The following FBXW8 variants were observed in gnomAD, a reference collection of about 807,000 sequenced individuals.
FBXW8 encodes the protein F-box and WD repeat domain containing 8.
In FBXW8, 57 loss-of-function variants were observed where a neutral mutation model predicts 65.3. The ratio of observed to expected loss-of-function variants is 0.87; its 90% CI spans 0.71 to 1.09. The LOEUF is 1.09. Among genes scored for constraint, FBXW8 ranks in the 50% least tolerant of loss-of-function variants. The pLI is 0.00. For synonymous variants in FBXW8, 308 were observed against 330.2 expected (o/e 0.93, Z 0.73); for missense variants, 777 against 814.8 (o/e 0.95, Z 0.57).
intron 7 of FBXW8, among the ~76,000 whole-genome samples, chr12:116,990,433 A>G (rs1953211396): frequency 6.6e-6 from 1 of 152,134 alleles, no homozygotes; most frequent in South Asian, 2.1e-4. Flanking sequence ...CTCATGCTCT[A>G]AAAAAACTTT....
rs138865565 is a variant in FBXW8, at chr12:116,961,437, G to A, written c.678-3260G>A. Among the ~76,000 whole-genome samples the A allele has an allele frequency of 5.4e-3, 823 of 152,282 alleles. 7 individuals are homozygous for A. Among genetic ancestry groups the A allele is most frequent in the South Asian group, 0.024 (118 of 4,820 alleles). ...CAGAGTTCAGAGGCAAGAGCATTTG[G>A]GATCCTCTCTGGAAGCCGGCCCGTG... On this transcript the variant is annotated intron_variant, in intron 4 of 10. Transcript: ENST00000652555. The surrounding 1 kb of genome is among the most constrained non-coding windows in gnomAD (Gnocchi z 4.4).
chr12:117,014,948 T>A (rs1451651241), intron 8 of FBXW8, among the ~76,000 whole-genome samples: 1 of 152,134 alleles, frequency 6.6e-6, no homozygotes, highest in Non-Finnish European at 1.5e-5. Flanking sequence ...GTCAGAAAGA[T>A]GGGGTTTCTA....
At chr12:117,015,494 G>C (rs78791664) in intron 8 of FBXW8, among the ~76,000 whole-genome samples, 4,091 of 152,186 alleles carry the variant, frequency 0.027, 181 homozygotes, top group African/African-American at 0.087. Flanking sequence ...TAGCTCTCAG[G>C]CTTCTCATCT....
At chr12:116,999,023 TAG>T (rs888051870) in intron 7 of FBXW8, among the ~76,000 whole-genome samples, 3 of 152,224 alleles carry the variant, frequency 2.0e-5, no homozygotes, top group African/African-American at 7.2e-5. Context: ...GGCACTGTGT[TAG>T]AGAGTGGGTT....
chr12:117,003,036 A>G (rs1454833232), intron 7 of FBXW8: 1 of 152,096 alleles, frequency 6.6e-6, no homozygotes, highest in Non-Finnish European at 1.5e-5. Flanking sequence ...TTTCTTTTGT[A>G]TCTTTTGTTT....
chr12:116,954,568 T>A (rs1346985033), intron 4 of FBXW8, among the ~76,000 whole-genome samples: 1 of 152,234 alleles, frequency 6.6e-6, no homozygotes, highest in Non-Finnish European at 1.5e-5. Context: ...ATTAGACACA[T>A]GCTACTGTAG....
intron 2 of FBXW8, among the ~76,000 whole-genome samples, chr12:116,935,461 G>A (rs1434989629): frequency 6.6e-6 from 1 of 152,160 alleles, no homozygotes; most frequent in Non-Finnish European, 1.5e-5. Flanking sequence ...TTGCTGGCAG[G>A]GTTCCCTTAG....
At chr12:117,000,818 G>A (rs1036828673) in intron 7 of FBXW8, among the ~76,000 whole-genome samples, 2 of 152,236 alleles carry the variant, frequency 1.3e-5, no homozygotes, top group Non-Finnish European at 2.9e-5. Flanking sequence ...TGTTTTGCAT[G>A]TAAGAGAATA....
intron 4 of FBXW8, among the ~76,000 whole-genome samples, chr12:116,956,281 C>G (rs11068262): frequency 0.029 from 4,463 of 152,152 alleles, 199 homozygotes; most frequent in East Asian, 0.21. Flanking sequence ...GGAAGGAGAA[C>G]TGTATCATTT....
intron 7 of FBXW8, among the ~76,000 whole-genome samples, chr12:116,997,886 G>C (rs1445880892): frequency 2.0e-5 from 3 of 152,182 alleles, no homozygotes; most frequent in African/African-American, 7.2e-5. Flanking sequence ...CGCCATCTCA[G>C]CTCACTACAA....
At chr12:116,935,178 G>T (rs1438671813) in intron 2 of FBXW8, among the ~76,000 whole-genome samples, 1 of 152,164 alleles carries the variant, frequency 6.6e-6, no homozygotes, top group Non-Finnish European at 1.5e-5. Context: ...AGATGCAGAG[G>T]TTAAAAACTT....
intron 8 of FBXW8, among the ~76,000 whole-genome samples, chr12:117,020,724 G>A (rs754977736): frequency 3.3e-5 from 5 of 152,134 alleles, no homozygotes; most frequent in South Asian, 2.1e-4. Context: ...ATGAAACCAC[G>A]GAGCTGAGCC....
chr12:116,919,152 C>T (rs745627695), intron 1 of FBXW8, among the ~76,000 whole-genome samples: 7 of 152,088 alleles, frequency 4.6e-5, no homozygotes, highest in Non-Finnish European at 7.3e-5. Flanking sequence ...TAAGGGGGGA[C>T]GACTGTGTTT....
chr12:116,969,632 A>C (rs370158191), intron 5 of FBXW8, among the ~76,000 whole-genome samples: 1 of 152,054 alleles, frequency 6.6e-6, no homozygotes, highest in Non-Finnish European at 1.5e-5. Flanking sequence ...CAATAAAATG[A>C]GTTAATGAAC....
At chr12:116,996,121 A>G (rs1953367739) in intron 7 of FBXW8, among the ~76,000 whole-genome samples, 1 of 152,146 alleles carries the variant, frequency 6.6e-6, no homozygotes, top group African/African-American at 2.4e-5. Flanking sequence ...ATGTATTTGG[A>G]CATATTTCCT....
At chr12:117,022,706 AGTTT>A (rs1171741514) in intron 8 of FBXW8, among the ~76,000 whole-genome samples, 1 of 152,046 alleles carries the variant, frequency 6.6e-6, no homozygotes, top group Admixed American at 6.6e-5. Flanking sequence ...TGATCCATGG[AGTTT>A]GTTTTTCCAG....
chr12:116,985,328 T>C lies in FBXW8; in HGVS notation c.958T>C (p.Phe320Leu). The C allele has an allele frequency of 1.2e-6, 2 of 1,614,182 alleles. No individual in the cohort carries two copies. Among genetic ancestry groups the C allele is most frequent in the Non-Finnish European group, 1.7e-6 (2 of 1,180,040 alleles). ...DDATVATASA[F>L]DVVMLSPNEE... ...TGCAACCGTGGCCACAGCTTCTGCT[T>C]TTGATGTCGTGATGTTATCCCCCAA... The change falls in exon 6 of 11, where the codon TTT (phenylalanine) becomes CTT (leucine). Residue 320 changes from phenylalanine to leucine, a missense_variant. By Grantham distance (22) the Phe-to-Leu change is conservative. Transcript: ENST00000652555.
intron 7 of FBXW8, among the ~76,000 whole-genome samples, chr12:116,993,278 ATTT>A (rs1953298069): frequency 6.6e-6 from 1 of 151,188 alleles, no homozygotes; most frequent in Non-Finnish European, 1.5e-5. Context: ...TAATTTTTGT[ATTT>A]TTAGTAGAGA....
rs986500703 is a variant in FBXW8 at position 117,028,545 on chromosome 12, G to A, written c.*373G>A. ...TCCAGCCCTGCAGGCCGTCTTTTCC[G>A]TCTCCAGCCCCTTACCTCTTTTCCT... is the stretch of plus-strand genomic sequence containing the variant. On this transcript the variant is annotated 3_prime_UTR_variant, in exon 11 of 11. Coordinates refer to ENST00000652555, the MANE Select transcript of FBXW8 (RefSeq NM_153348.3). The surrounding 1 kb of genome is among the most constrained non-coding windows in gnomAD (Gnocchi z 4.1). 9.9e-6 allele frequency: 2 copies of A among 202,418 alleles called. No homozygotes were observed. The highest frequency in any genetic ancestry group is 2.2e-4 in the East Asian group (2 of 9,000). The allele number at this position is 202,418 out of a possible 1,614,324, so 12.5% of individuals were successfully genotyped here. A position where few individuals can be genotyped will look rare whatever the true frequency, so the allele number is the denominator to read the frequency against.
Sources: gnomAD v4.1 joint callset for allele counts (sites outside exome capture counted in the v4.1 genomes callset) on GRCh38, gnomAD v4.1.1 for gene constraint, Gnocchi (gnomAD v3.1) non-coding constraint, MANE v1.5 for transcripts, NCBI Gene and HGNC (gene_info 2026-07-23, HGNC 2026-07-21) for gene names.